Variants in EFR3A observed in about 807,000 individuals in gnomAD.
The protein encoded by EFR3A is protein EFR3 homolog A.
EFR3A carries 76 observed loss-of-function variants against 104.4 expected under a neutral mutation model. That is an observed-to-expected ratio of 0.73 (90% CI 0.60 to 0.88). The LOEUF is 0.88. EFR3A is among the 40% of genes least tolerant of loss of function. The pLI is 0.00. For synonymous variants in EFR3A, 330 were observed against 330.0 expected (o/e 1.00, Z 0.00); for missense variants, 985 against 1,012.5 (o/e 0.97, Z 0.37).
chr8:131,915,555 G>T (rs913250107), intron 1 of EFR3A, among the ~76,000 whole-genome samples: 5 of 152,204 alleles, frequency 3.3e-5, no homozygotes, highest in Non-Finnish European at 5.9e-5. Flanking sequence ...GGTATAAATT[G>T]CTATAACACA....
intron 1 of EFR3A, among the ~76,000 whole-genome samples, chr8:131,920,241 C>T (rs370442745): frequency 1.4e-3 from 214 of 152,204 alleles, no homozygotes; most frequent in African/African-American, 5.0e-3. Flanking sequence ...ATTCTAGACC[C>T]TAAGCAGCAA....
intron 10 of EFR3A, among the ~76,000 whole-genome samples, chr8:131,972,187 T>C (rs183295671): frequency 7.9e-5 from 12 of 152,270 alleles, no homozygotes; most frequent in Admixed American, 6.5e-5. Context: ...GTTAATCATT[T>C]TAGTGCTCAG....
intron 18 of EFR3A, among the ~76,000 whole-genome samples, chr8:131,990,013 T>C (rs1821087042): frequency 6.6e-6 from 1 of 152,202 alleles, no homozygotes; most frequent in South Asian, 2.1e-4. Flanking sequence ...CCCATCTGAA[T>C]CGTTCAGAGG....
intron 22 of EFR3A, among the ~76,000 whole-genome samples, chr8:132,007,750 T>C (rs1208101941): frequency 6.6e-6 from 1 of 152,036 alleles, no homozygotes; most frequent in Non-Finnish European, 1.5e-5. Context: ...AAGACATTAT[T>C]GGTATAAGAG....
At chr8:131,940,696 C>T (rs1818126190) in intron 2 of EFR3A, 121 bp downstream of exon 2, 1 of 1,405,540 alleles carries the variant, frequency 7.1e-7, no homozygotes. Context: ...ATCATTTATA[C>T]TACTTTTTTT....
Position 131,944,820 on chromosome 8 carries a change from G to T in EFR3A, c.163G>T (p.Gly55Cys), listed in dbSNP as rs749463078. 1.9e-6 allele frequency: 3 copies of T among 1,610,264 alleles called. No individual in the cohort carries two copies. Among genetic ancestry groups the T allele is most frequent in the Non-Finnish European group, 2.5e-6 (3 of 1,178,178 alleles). Reference sequence around the variant, plus strand: ...TGCTCCAGAGAAACTGGATCGAATTGGTTCTTACCTGGCAGAAAGGTTGAG... The same window carrying T: ...TGCTCCAGAGAAACTGGATCGAATTTGTTCTTACCTGGCAGAAAGGTTGAG... ...VSAPEKLDRI[G>C]SYLAERLSRD... Residue 55 changes from glycine to cysteine, a missense_variant, in exon 3 of 23, where the codon GGT (glycine) becomes TGT (cysteine). Physicochemically the swap from Gly to Cys is radical, Grantham distance 159. Coordinates refer to ENST00000254624, the MANE Select transcript of EFR3A (RefSeq NM_015137.6).
At chr8:131,910,524 C>T (rs555255755) in intron 1 of EFR3A, among the ~76,000 whole-genome samples, 6 of 152,314 alleles carry the variant, frequency 3.9e-5, no homozygotes, top group Middle Eastern at 3.4e-3. Context: ...CTGCCTGCCT[C>T]GGCCTCGCAA....
chr8:131,946,132 A>G (rs1352450881), intron 3 of EFR3A, among the ~76,000 whole-genome samples: 1 of 152,048 alleles, frequency 6.6e-6, no homozygotes, highest in Non-Finnish European at 1.5e-5. Context: ...TTGTCACATT[A>G]ATAATTATTT....
intron 1 of EFR3A, among the ~76,000 whole-genome samples, chr8:131,921,291 C>T (rs150843380): frequency 6.6e-6 from 1 of 152,208 alleles, no homozygotes; most frequent in East Asian, 1.9e-4. Context: ...ATATAGCCAT[C>T]TATCTGGAGT....
intron 18 of EFR3A, among the ~76,000 whole-genome samples, chr8:131,991,209 CTTA>C (rs1821164988): frequency 6.6e-6 from 1 of 152,110 alleles, no homozygotes; most frequent in Non-Finnish European, 1.5e-5. Flanking sequence ...TCTCATGAGA[CTTA>C]TTCACTATCA....
At chr8:131,978,443 AAAATTTG>A (rs1484797066) in intron 12 of EFR3A, among the ~76,000 whole-genome samples, 2 of 152,162 alleles carry the variant, frequency 1.3e-5, no homozygotes, top group African/African-American at 4.8e-5. Flanking sequence ...ACTTAAATTT[AAAATTTG>A]CAGGTCTTAC....
chr8:131,919,465 C>T (rs371170680), intron 1 of EFR3A, among the ~76,000 whole-genome samples: 6 of 151,828 alleles, frequency 4.0e-5, no homozygotes, highest in Middle Eastern at 3.2e-3. Flanking sequence ...GGTATGGTGG[C>T]GGGCGCCCAC....
intron 1 of EFR3A, among the ~76,000 whole-genome samples, chr8:131,918,362 T>G (rs2130424497): frequency 6.6e-6 from 1 of 152,320 alleles, no homozygotes; most frequent in African/African-American, 2.4e-5. Flanking sequence ...TTACTATAAT[T>G]TCATGTATAG....
rs986487002 is a variant in EFR3A at position 132,013,404 on chromosome 8, T to C, written c.*2509T>C. On this transcript the variant is annotated 3_prime_UTR_variant, in exon 23 of 23. Transcript: ENST00000254624. Reference sequence around the variant, plus strand: ...TTAGAATAATAATACTACTACACTTTACCAGCAATTAACTTCTCCCTACCC... The same window carrying C: ...TTAGAATAATAATACTACTACACTTCACCAGCAATTAACTTCTCCCTACCC... 6.6e-6 allele frequency: 1 copy of C among 152,608 alleles called. No individual in the cohort carries two copies. The highest frequency in any genetic ancestry group is 6.5e-5 in the Admixed American group (1 of 15,270). 9.5% of individuals were successfully genotyped at this position (152,608 alleles called of 1,614,324 possible). A position where few individuals can be genotyped will look rare whatever the true frequency, so the allele number is the denominator to read the frequency against.
chr8:131,970,586 A>G lies in EFR3A; in HGVS notation c.1102A>G (p.Thr368Ala), dbSNP rs753669894. Residue 368 changes from threonine (T) to alanine (A), a missense_variant, in exon 10 of 23, where the codon ACA becomes GCA. Physicochemically the swap from Thr to Ala is moderately conservative, Grantham distance 58. Coordinates refer to ENST00000254624, the MANE Select transcript of EFR3A (RefSeq NM_015137.6). ...ATCTGTAGGCAGTGTCAACTTAAAT[A>G]CAAGTTCCAAAGACAATGATGAGAA... The part of the protein sequence containing the change: ...GGSVGSVNLN[T>A]SSKDNDEKIV... The G allele has an allele frequency of 8.7e-6, 14 of 1,613,778 alleles. No homozygotes were observed. The Admixed American group carries it at 1.5e-4, about 17-fold the overall frequency.
rs1028635602 is a variant in EFR3A at position 132,003,309 on chromosome 8, G to A, written c.2360+24G>A. The A allele has an allele frequency of 4.4e-6, 7 of 1,603,286 alleles. No individual in the cohort carries two copies. The African/African-American group carries it at 6.7e-5, about 15-fold the overall frequency. ...CGGTAAGGGTTTTGTTATCACAATA[G>A]CAATAACACACACACACGAATAGAA... On this transcript the variant is annotated intron_variant, in intron 22 of 22. Transcript: ENST00000254624.
chr8:131,915,463 T>G (rs1438090798), intron 1 of EFR3A, among the ~76,000 whole-genome samples: 1 of 152,216 alleles, frequency 6.6e-6, no homozygotes, highest in Admixed American at 6.5e-5. Flanking sequence ...TGGGCCTACA[T>G]TTGTAAAGCA....
chr8:131,966,314 T>G (rs1819733322), intron 8 of EFR3A, among the ~76,000 whole-genome samples: 1 of 152,156 alleles, frequency 6.6e-6, no homozygotes, highest in Admixed American at 6.6e-5. Flanking sequence ...CATGGAGTAA[T>G]TACGGTGAAC....
chr8:131,951,062 A>G (rs1818677048), intron 5 of EFR3A, among the ~76,000 whole-genome samples: 3 of 152,156 alleles, frequency 2.0e-5, no homozygotes, highest in Admixed American at 6.6e-5. Flanking sequence ...AGCATGCTTT[A>G]TAACTTTTAC....
Sources: gnomAD v4.1 joint callset for allele counts (sites outside exome capture counted in the v4.1 genomes callset) on GRCh38, gnomAD v4.1.1 for gene constraint, MANE v1.5 for transcripts, NCBI Gene and HGNC (gene_info 2026-07-23, HGNC 2026-07-21) for gene names.